TIMP2: variants seen among roughly 807,000 people sequenced by gnomAD.
TIMP2 encodes the protein metalloproteinase inhibitor 2.
A neutral mutation model predicts 24.3 loss-of-function variants in TIMP2; 5 were observed. The observed-to-expected ratio is 0.21, with a 90% CI of 0.11 to 0.43. TIMP2 has a LOEUF of 0.43. TIMP2 is among the 20% of genes least tolerant of loss of function. The pLI, the probability that TIMP2 is intolerant of heterozygous loss-of-function variation, is 1.00. For missense variants in TIMP2, 221 were observed against 297.5 expected (o/e 0.74, Z 1.89); for synonymous variants, 130 against 123.2 (o/e 1.06, Z -0.37).
chr17:78,865,356 G>A (rs79433195), intron 3 of TIMP2, among the ~76,000 whole-genome samples: 11,472 of 152,148 alleles, frequency 0.075, 491 homozygotes, highest in Middle Eastern at 0.095. Context: ...CAGGTGCGGT[G>A]GCTCACACCT....
Position 78,920,183 on chromosome 17 carries a change from A to T in TIMP2, c.130+4776T>A, listed in dbSNP as rs2070298628. Among the ~76,000 whole-genome samples, 1 of 152,146 alleles carries T rather than the reference A, an allele frequency of 6.6e-6. No homozygotes were observed. The highest frequency in any genetic ancestry group is 1.5e-5 in the Non-Finnish European group (1 of 68,012). On this transcript the variant is annotated intron_variant, in intron 1 of 4. Transcript: ENST00000262768. This position sits in a 1 kb window ranked among gnomAD's most constrained non-coding sequence, Gnocchi z 4.5. ...CCTCTCAGTCTCCCAGGAGTCATCTATGCCCTGTTCTCCATGTGCTCAGAT... is the reference window on the plus strand; with the variant it reads ...CCTCTCAGTCTCCCAGGAGTCATCTTTGCCCTGTTCTCCATGTGCTCAGAT...
chr17:78,882,714 C>T (rs1001261980), intron 1 of TIMP2, among the ~76,000 whole-genome samples: 36 of 152,240 alleles, frequency 2.4e-4, no homozygotes, highest in African/African-American at 7.7e-4. Context: ...TCACAAGGAC[C>T]CCAGACCTGC....
chr17:78,901,175 C>G (rs1053125017), intron 1 of TIMP2: 1 of 153,088 alleles, frequency 6.5e-6, no homozygotes, highest in Non-Finnish European at 1.5e-5. Flanking sequence ...GAGACACCCA[C>G]GTGGTGCTGG....
At chr17:78,886,222 T>C (rs2069824005) in intron 1 of TIMP2, among the ~76,000 whole-genome samples, 1 of 152,144 alleles carries the variant, frequency 6.6e-6, no homozygotes. Flanking sequence ...ACGCCTAGTT[T>C]TAGCTCGTGT....
At chr17:78,921,053 C>T (rs779373160) in intron 1 of TIMP2, among the ~76,000 whole-genome samples, 6 of 152,202 alleles carry the variant, frequency 3.9e-5, no homozygotes, top group East Asian at 3.9e-4. Context: ...CTTTAAAAAG[C>T]GCCACGCCGC....
rs1431189238 is a variant in TIMP2, at chr17:78,891,532, G to A, written c.131-17613C>T. 1 of 1,551,016 alleles carries A rather than the reference G, an allele frequency of 6.4e-7. No homozygotes were observed. Among genetic ancestry groups the A allele is most frequent in the Non-Finnish European group, 8.7e-7 (1 of 1,147,092 alleles). On this transcript the variant is annotated intron_variant, in intron 1 of 4. Coordinates refer to ENST00000262768, the MANE Select transcript of TIMP2 (RefSeq NM_003255.5). The surrounding 1 kb of genome is among the most constrained non-coding windows in gnomAD (Gnocchi z 4.5). ...CCCGGAGCGTGCACTGAGATGCTGG[G>A]GACACGGCTTCCCTTCTGCAGCTGG...
intron 1 of TIMP2, among the ~76,000 whole-genome samples, chr17:78,883,091 G>A (rs934032109): frequency 2.6e-5 from 4 of 152,152 alleles, no homozygotes; most frequent in African/African-American, 4.8e-5. Flanking sequence ...GGCTCTTCCC[G>A]CCCTGCAGCT....
At chr17:78,894,964 T>C (rs907693757) in intron 1 of TIMP2, among the ~76,000 whole-genome samples, 1 of 152,114 alleles carries the variant, frequency 6.6e-6, no homozygotes, top group African/African-American at 2.4e-5. Context: ...CCCAGTAAGA[T>C]GGCAAATAAT....
chr17:78,913,041 C>T (rs2070222487), intron 1 of TIMP2, among the ~76,000 whole-genome samples: 2 of 151,980 alleles, frequency 1.3e-5, no homozygotes, highest in South Asian at 4.1e-4. Flanking sequence ...CCTGTCTCTA[C>T]TAAAAATACA....
rs769443140 is a variant in TIMP2, at chr17:78,857,390, CT to C, written c.465+131del. On this transcript the variant is annotated intron_variant, in intron 4 of 4. Coordinates refer to ENST00000262768, the MANE Select transcript of TIMP2 (RefSeq NM_003255.5). ...AGCCTTACTCTTGGGATGACTCTAC[CT>C]TCCCAGAGCCTGGTCTTAGATCAGG... The C allele has an allele frequency of 4.4e-5, 56 of 1,281,598 alleles. No homozygotes were observed. The East Asian group carries it at 1.2e-3, about 27-fold the overall frequency. 79.4% of individuals were successfully genotyped at this position (1,281,598 alleles called of 1,614,324 possible).
rs2145741880 is a variant in TIMP2 at position 78,853,555 on chromosome 17, T to C, written c.*2112A>G. On this transcript the variant is annotated 3_prime_UTR_variant, in exon 5 of 5. Coordinates refer to ENST00000262768, the MANE Select transcript of TIMP2 (RefSeq NM_003255.5). ...CAAAGATCCTTTACTTTGCAATAAT[T>C]TGAACTGGAGAACCAAAGACGGGAG... The C allele has an allele frequency of 6.6e-6, 1 of 152,514 alleles. No individual in the cohort carries two copies. The highest frequency in any genetic ancestry group is 2.1e-4 in the South Asian group (1 of 4,822). 9.4% of individuals were successfully genotyped at this position (152,514 alleles called of 1,614,324 possible). A position where few individuals can be genotyped will look rare whatever the true frequency, so the allele number is the denominator to read the frequency against.
chr17:78,893,185 A>G (rs1179519825), intron 1 of TIMP2, among the ~76,000 whole-genome samples: 2 of 103,906 alleles, frequency 1.9e-5, no homozygotes, highest in African/African-American at 4.2e-5. Flanking sequence ...ATGTGTGTGC[A>G]GGGGTGTGTG....
intron 1 of TIMP2, chr17:78,874,273 T>C (rs888092256): frequency 5.8e-6 from 1 of 173,550 alleles, no homozygotes. Context: ...GATATCATGC[T>C]TGAGTGCTTT....
intron 3 of TIMP2, among the ~76,000 whole-genome samples, chr17:78,862,418 T>A (rs1046145635): frequency 6.6e-6 from 1 of 152,246 alleles, no homozygotes; most frequent in African/African-American, 2.4e-5. Flanking sequence ...GAGGTTCCTC[T>A]CGCCATGAGG....
Position 78,855,450 on chromosome 17 carries a change from G to A in TIMP2, c.*217C>T. 3 of 599,368 alleles carry A rather than the reference G, an allele frequency of 5.0e-6. No homozygotes were observed. The highest frequency in any genetic ancestry group is 4.0e-5 in the South Asian group (2 of 49,600). 37.1% of individuals were successfully genotyped at this position (599,368 alleles called of 1,614,324 possible). A position where few individuals can be genotyped will look rare whatever the true frequency, so the allele number is the denominator to read the frequency against. ...TCGAAGCCCCAGACACATAGTGCCT[G>A]GCAGAGGGAGGATGGGATGAGGACC... On this transcript the variant is annotated 3_prime_UTR_variant, in exon 5 of 5. Coordinates refer to ENST00000262768, the MANE Select transcript of TIMP2 (RefSeq NM_003255.5). The surrounding 1 kb of genome is among the most constrained non-coding windows in gnomAD (Gnocchi z 6.0).
Position 78,925,063 on chromosome 17 carries a change from C to T in TIMP2, c.26G>A (p.Arg9Gln), listed in dbSNP as rs957117975. 2.7e-6 allele frequency: 3 copies of T among 1,111,004 alleles called. No homozygotes were observed. Among genetic ancestry groups the T allele is most frequent in the Non-Finnish European group, 3.3e-6 (3 of 913,064 alleles). The allele number at this position is 1,111,004 out of a possible 1,614,324, so 68.8% of individuals were successfully genotyped here. The stretch of plus-strand genomic sequence containing the variant: ...CAGCAGCAGGAGGCCGAGCGCCAGC[C>T]GCAGGGTGCGGGCCGCGGCGCCCAT... The part of the protein sequence containing the change: MGAAARTL[R>Q]LALGLLLLAT... Residue 9 changes from arginine (R) to glutamine (Q), a missense_variant, in exon 1 of 5, where the codon CGG (arginine) becomes CAG (glutamine). By Grantham distance (43) the Arg-to-Gln change is conservative. Transcript: ENST00000262768.
intron 1 of TIMP2, chr17:78,892,048 C>A (rs777572406): frequency 2.6e-6 from 4 of 1,551,008 alleles, no homozygotes; most frequent in African/African-American, 1.4e-5. Context: ...TGGGCCCCTG[C>A]GAGTCAGGCT....
At chr17:78,875,170 G>A (rs1019517557) in intron 1 of TIMP2, among the ~76,000 whole-genome samples, 1 of 152,166 alleles carries the variant, frequency 6.6e-6, no homozygotes, top group Non-Finnish European at 1.5e-5. Context: ...GAGCCACTGC[G>A]CCCAGCCTGG....
At chr17:78,864,294 T>C (rs986233360) in intron 3 of TIMP2, among the ~76,000 whole-genome samples, 2 of 150,962 alleles carry the variant, frequency 1.3e-5, no homozygotes, top group Non-Finnish European at 3.0e-5. Flanking sequence ...CCCTCCTTTC[T>C]TCCCTGCCTC....
Sources: gnomAD v4.1 joint callset for allele counts (sites outside exome capture counted in the v4.1 genomes callset) on GRCh38, gnomAD v4.1.1 for gene constraint, Gnocchi (gnomAD v3.1) non-coding constraint, MANE v1.5 for transcripts, NCBI Gene and HGNC (gene_info 2026-07-23, HGNC 2026-07-21) for gene names.